DPP6: variants seen among roughly 807,000 people sequenced by gnomAD.
DPP6 encodes dipeptidyl peptidase like 6.
Under a neutral mutation model 122.6 loss-of-function variants are expected in DPP6, and 69 were observed. The ratio of observed to expected loss-of-function variants is 0.56; its 90% CI spans 0.46 to 0.69. DPP6 has a LOEUF of 0.69. Among genes scored for constraint, DPP6 ranks in the 30% least tolerant of loss-of-function variants. The pLI, the probability that DPP6 is intolerant of heterozygous loss-of-function variation, is 0.00. For synonymous variants in DPP6, 418 were observed against 433.1 expected (o/e 0.97, Z 0.43); for missense variants, 928 against 1,116.9 (o/e 0.83, Z 2.41).
At chr7:154,257,238 T>C (rs28567763) in intron 1 of DPP6, among the ~76,000 whole-genome samples, 22,475 of 151,922 alleles carry the variant, frequency 0.15, 3,187 homozygotes, top group African/African-American at 0.38. Flanking sequence ...ATCTTCCTGC[T>C]TGGGTTCTTT....
chr7:154,873,952 A>ACACGCG (rs1482394150), intron 19 of DPP6, among the ~76,000 whole-genome samples: 5 of 144,886 alleles, frequency 3.5e-5, no homozygotes, highest in Admixed American at 6.8e-5. Flanking sequence ...ACATGCACAC[A>ACACGCG]CACACGCACC....
chr7:154,028,727 C>G (rs1018286708), intron 1 of DPP6, among the ~76,000 whole-genome samples: 7 of 152,160 alleles, frequency 4.6e-5, no homozygotes, highest in African/African-American at 1.7e-4. Flanking sequence ...AGGCCCCGCT[C>G]TGCCTGCTCC....
chr7:154,270,983 T>G (rs1262407441), intron 1 of DPP6, among the ~76,000 whole-genome samples: 1 of 152,132 alleles, frequency 6.6e-6, no homozygotes, highest in Non-Finnish European at 1.5e-5. Context: ...GTTTATTAAG[T>G]TAAGTGACAA....
rs1235469528 is a variant in DPP6, at chr7:154,624,475, T to C, written c.628-13346T>C. 2.0e-5 allele frequency among the ~76,000 whole-genome samples: 3 copies of C among 152,002 alleles called. No homozygotes were observed. Among genetic ancestry groups the C allele is most frequent in the African/African-American group, 7.2e-5 (3 of 41,400 alleles). On this transcript the variant is annotated intron_variant, in intron 5 of 25. Coordinates refer to ENST00000377770, the MANE Select transcript of DPP6 (RefSeq NM_130797.4). The surrounding 1 kb of genome is among the most constrained non-coding windows in gnomAD (Gnocchi z 4.7). ...TGGGCAACAAGAGTGAAACTCTGTCTCAACAAACAAACAAACAAACAAAAA... is the reference window on the plus strand; with the variant it reads ...TGGGCAACAAGAGTGAAACTCTGTCCCAACAAACAAACAAACAAACAAAAA...
chr7:153,791,410 T>C, the DPP6 span, among the ~76,000 whole-genome samples: 1 of 98,942 alleles, frequency 1.0e-5, no homozygotes, highest in Admixed American at 1.2e-4. Context: ...CTGCCTTCCT[T>C]CCTTCCTTCC....
At chr7:154,741,405 G>T (rs368235712) in intron 8 of DPP6, among the ~76,000 whole-genome samples, 98 of 152,320 alleles carry the variant, frequency 6.4e-4, no homozygotes, top group African/African-American at 2.3e-3. Context: ...TGCATTCAGC[G>T]CAAGGCCAAG....
At chr7:154,702,736 G>C (rs1840594667) in intron 7 of DPP6, among the ~76,000 whole-genome samples, 1 of 152,246 alleles carries the variant, frequency 6.6e-6, no homozygotes, top group Non-Finnish European at 1.5e-5. Context: ...AAAGTGCAAG[G>C]TGAAGCAGCA....
intron 1 of DPP6, among the ~76,000 whole-genome samples, chr7:154,064,540 T>C (rs1331092330): frequency 6.6e-6 from 1 of 152,208 alleles, no homozygotes; most frequent in Non-Finnish European, 1.5e-5. Context: ...AAGTAACCTA[T>C]TGTTCTTTAG....
chr7:154,553,568 A>G (rs1829789350), intron 4 of DPP6, among the ~76,000 whole-genome samples: 1 of 152,180 alleles, frequency 6.6e-6, no homozygotes, highest in Non-Finnish European at 1.5e-5. Flanking sequence ...CTTTATTATT[A>G]TTTTAAAACT....
Position 154,801,502 on chromosome 7 carries a change from C to A in DPP6, c.1407+40C>A, listed in dbSNP as rs753890436. On this transcript the variant is annotated intron_variant, in intron 13 of 25. Transcript: ENST00000377770. ...TTTCCGGAGCTGAACTAGAAACTGGCCTGCTAGAGGCCGTGGGGTGACAGC... is the reference window on the plus strand; with the variant it reads ...TTTCCGGAGCTGAACTAGAAACTGGACTGCTAGAGGCCGTGGGGTGACAGC... 14 of 1,532,972 alleles carry A rather than the reference C, an allele frequency of 9.1e-6. No homozygotes were observed. The South Asian group carries it at 1.7e-4, about 19-fold the overall frequency. The allele number at this position is 1,532,972 out of a possible 1,614,324, so 95.0% of individuals were successfully genotyped here.
chr7:154,106,011 C>T (rs866142781), intron 1 of DPP6, among the ~76,000 whole-genome samples: 8 of 151,828 alleles, frequency 5.3e-5, no homozygotes, highest in South Asian at 4.2e-4. Context: ...ACCTATGGAA[C>T]GGTATAACTC....
At chr7:154,275,664 C>G (rs190843416) in intron 1 of DPP6, among the ~76,000 whole-genome samples, 1 of 152,180 alleles carries the variant, frequency 6.6e-6, no homozygotes, top group Admixed American at 6.5e-5. Context: ...CCAGGATTGT[C>G]CCCTGCAGAT....
In DPP6 at chr7:154,821,663, T is replaced by TAC. The variant is rs59554516; in HGVS notation, c.1666+14555_1666+14556dup. Reference sequence around the variant, plus strand: ...ATATATATACACATATATATATATATACACATATATATATACACACACATA... The same window carrying TAC: ...ATATATATACACATATATATATATATACACACATATATATATACACACACATA... On this transcript the variant is annotated intron_variant, in intron 16 of 25. Transcript: ENST00000377770. This position sits in a 1 kb window ranked among gnomAD's most constrained non-coding sequence, Gnocchi z 4.2. Among the ~76,000 whole-genome samples the TAC allele has an allele frequency of 7.2e-5, 8 of 110,664 alleles. No individual in the cohort carries two copies. The highest frequency in any genetic ancestry group is 2.6e-4 in the Admixed American group (3 of 11,388). 72.6% of individuals were successfully genotyped at this position (110,664 alleles called of 152,430 possible). A position where few individuals can be genotyped will look rare whatever the true frequency, so the allele number is the denominator to read the frequency against.
At chr7:154,359,138 A>G (rs57172758) in intron 1 of DPP6, among the ~76,000 whole-genome samples, 17,599 of 152,270 alleles carry the variant, frequency 0.12, 1,536 homozygotes, top group African/African-American at 0.24. Flanking sequence ...GGACAGAACA[A>G]AAGGCCAGTG....
intron 1 of DPP6, among the ~76,000 whole-genome samples, chr7:153,952,192 A>G (rs1246027537): frequency 6.6e-6 from 1 of 152,246 alleles, no homozygotes; most frequent in African/African-American, 2.4e-5. Context: ...CTTTGTGAAA[A>G]GAATAGTGTT....
chr7:154,872,365 G>A (rs187050504), intron 18 of DPP6, among the ~76,000 whole-genome samples: 37 of 152,342 alleles, frequency 2.4e-4, no homozygotes, highest in Admixed American at 2.0e-3. Flanking sequence ...CGAGTCTTCC[G>A]TGCATTCAGT....
intron 1 of DPP6, among the ~76,000 whole-genome samples, chr7:154,330,131 T>A (rs990548463): frequency 2.6e-5 from 4 of 152,238 alleles, no homozygotes; most frequent in African/African-American, 9.6e-5. Flanking sequence ...CAAACCACCA[T>A]GGCACATGTA....
At chr7:154,387,493 C>A (rs1055010250) in intron 1 of DPP6, among the ~76,000 whole-genome samples, 3 of 152,204 alleles carry the variant, frequency 2.0e-5, no homozygotes, top group African/African-American at 7.2e-5. Flanking sequence ...AGCAGGAGCC[C>A]AGCAGGTGGG....
intron 1 of DPP6, among the ~76,000 whole-genome samples, chr7:153,892,809 C>G (rs547189629): frequency 6.6e-6 from 1 of 152,098 alleles, no homozygotes; most frequent in African/African-American, 2.4e-5. Context: ...ATTCTAAGGT[C>G]ACAGTTTTCT....
Sources: gnomAD v4.1 joint callset for allele counts (sites outside exome capture counted in the v4.1 genomes callset) on GRCh38, gnomAD v4.1.1 for gene constraint, Gnocchi (gnomAD v3.1) non-coding constraint, MANE v1.5 for transcripts, NCBI Gene and HGNC (gene_info 2026-07-23, HGNC 2026-07-21) for gene names.